The following XYLT1 variants were observed in gnomAD, a reference collection of about 807,000 sequenced individuals.
XYLT1 encodes the protein xylosyltransferase 1, also known as beta-D-xylosyltransferase 1.
XYLT1 carries 36 observed loss-of-function variants against 91.3 expected under a neutral mutation model. The ratio of observed to expected loss-of-function variants is 0.39; its 90% CI spans 0.30 to 0.52. The LOEUF (loss-of-function observed/expected upper bound fraction) is 0.52. XYLT1 is among the 20% of genes least tolerant of loss of function. The pLI, the probability that XYLT1 is intolerant of heterozygous loss-of-function variation, is 0.68. For missense variants in XYLT1, 1,242 were observed against 1,284.5 expected (o/e 0.97, Z 0.51); for synonymous variants, 588 against 532.0 (o/e 1.11, Z -1.45).
At chr16:17,333,867 T>G (rs1427717472) in intron 2 of XYLT1, among the ~76,000 whole-genome samples, 1 of 152,064 alleles carries the variant, frequency 6.6e-6, no homozygotes, top group African/African-American at 2.4e-5. Flanking sequence ...GGATTAAAAC[T>G]GTGAGCCACA....
intron 6 of XYLT1, among the ~76,000 whole-genome samples, chr16:17,150,122 G>A (rs2031246880): frequency 6.6e-6 from 1 of 152,216 alleles, no homozygotes; most frequent in African/African-American, 2.4e-5. Context: ...ATTGTGGCAT[G>A]AAGGTGACAA....
chr16:17,427,696 A>G (rs1226813878), intron 1 of XYLT1, among the ~76,000 whole-genome samples: 3 of 152,182 alleles, frequency 2.0e-5, no homozygotes, highest in Non-Finnish European at 4.4e-5. Flanking sequence ...TATCCTACCC[A>G]CACTCTTTTT....
At position 17,470,788 on chromosome 16, in the gene XYLT1, C is replaced by T. The variant is rs2036980961; in HGVS notation, c.9G>A (p.Ala3=). 6 of 1,015,950 alleles carry T rather than the reference C, an allele frequency of 5.9e-6. No individual in the cohort carries two copies. Among genetic ancestry groups the T allele is most frequent in the Admixed American group, 6.0e-5 (1 of 16,662 alleles). 62.9% of individuals were successfully genotyped at this position (1,015,950 alleles called of 1,614,324 possible). A position where few individuals can be genotyped will look rare whatever the true frequency, so the allele number is the denominator to read the frequency against. ...GGGCCAGCCTCCGGGCGCACGGCGC[C>T]GCCACCATCTTCGGAGCGCGGCCGG... MV[A]APCARRLARR... The change falls in exon 1 of 12, where the codon GCG becomes GCA. Residue 3 remains alanine, a synonymous_variant. Transcript: ENST00000261381.
chr16:17,145,865 C>T (rs2031117365), intron 6 of XYLT1, among the ~76,000 whole-genome samples: 1 of 152,264 alleles, frequency 6.6e-6, no homozygotes. Flanking sequence ...GAGCTGTCTG[C>T]ATTTCTGCAA....
intron 9 of XYLT1, among the ~76,000 whole-genome samples, chr16:17,131,407 T>C (rs1334880784): frequency 2.0e-5 from 3 of 152,242 alleles, no homozygotes; most frequent in East Asian, 1.9e-4. Flanking sequence ...TTAAATACGA[T>C]GAGCACTAAA....
intron 2 of XYLT1, among the ~76,000 whole-genome samples, chr16:17,266,971 T>A (rs185280641): frequency 1.6e-4 from 24 of 152,362 alleles, no homozygotes; most frequent in African/African-American, 5.8e-4. Context: ...CTCATCTGCA[T>A]GCACAAAAGG....
intron 3 of XYLT1, among the ~76,000 whole-genome samples, chr16:17,211,272 G>A (rs575534094): frequency 1.8e-3 from 274 of 152,214 alleles, no homozygotes; most frequent in African/African-American, 6.4e-3. Context: ...ACAAATGAGA[G>A]GAGGTAAAGG....
intron 1 of XYLT1, among the ~76,000 whole-genome samples, chr16:17,375,351 C>A (rs965430958): frequency 5.9e-5 from 9 of 151,990 alleles, no homozygotes; most frequent in Admixed American, 3.9e-4. Flanking sequence ...AATCCCCCAG[C>A]CAAGAGGGAC....
intron 2 of XYLT1, among the ~76,000 whole-genome samples, chr16:17,277,896 GT>G (rs1232640881): frequency 6.6e-6 from 1 of 152,114 alleles, no homozygotes; most frequent in Non-Finnish European, 1.5e-5. Flanking sequence ...GCTCACAGCG[GT>G]TATCTCAGCA....
chr16:17,357,004 G>A (rs145963840), intron 2 of XYLT1, among the ~76,000 whole-genome samples: 26 of 151,552 alleles, frequency 1.7e-4, no homozygotes, highest in African/African-American at 5.6e-4. Context: ...GTGAAACCTC[G>A]TCTCTAGAAA....
chr16:17,220,948 G>C (rs1189421024), intron 3 of XYLT1, among the ~76,000 whole-genome samples: 1 of 152,166 alleles, frequency 6.6e-6, no homozygotes, highest in Non-Finnish European at 1.5e-5. Flanking sequence ...TGAAAATGTG[G>C]AAAGATTGGC....
intron 1 of XYLT1, among the ~76,000 whole-genome samples, chr16:17,372,566 C>A (rs1321413062): frequency 2.6e-5 from 4 of 152,172 alleles, no homozygotes; most frequent in Admixed American, 1.3e-4. Flanking sequence ...TAAGGCCTGT[C>A]GAATTCAGGA....
rs554963979 is a variant in XYLT1 at position 17,291,052 on chromosome 16, A to C, written c.403-31554T>G. The stretch of plus-strand genomic sequence containing the variant: ...CAGGCTCAAGGGATCCTCCCACTTC[A>C]GCCTTCTGAGTAGCAAGGACTGCAG... On this transcript the variant is annotated intron_variant, in intron 2 of 11. Transcript: ENST00000261381. Among the ~76,000 whole-genome samples, 697 of 152,292 alleles carry C rather than the reference A, an allele frequency of 4.6e-3. 6 individuals carry two copies. The highest frequency in any genetic ancestry group is 0.016 in the African/African-American group (662 of 41,562).
chr16:17,299,861 T>A (rs570699605), intron 2 of XYLT1, among the ~76,000 whole-genome samples: 1 of 152,254 alleles, frequency 6.6e-6, no homozygotes, highest in South Asian at 2.1e-4. Context: ...CTGGTGGACA[T>A]GAAGGACCCA....
chr16:17,422,223 G>A (rs2036259336), intron 1 of XYLT1, among the ~76,000 whole-genome samples: 1 of 151,954 alleles, frequency 6.6e-6, no homozygotes, highest in South Asian at 2.1e-4. Context: ...TAGAGGTGGG[G>A]TCTCGCTCTG....
chr16:17,222,444 A>G (rs1358618698), intron 3 of XYLT1, among the ~76,000 whole-genome samples: 1 of 152,170 alleles, frequency 6.6e-6, no homozygotes, highest in African/African-American at 2.4e-5. Flanking sequence ...AAGGTTGAGA[A>G]ACTGCTTGAA....
Position 17,344,697 on chromosome 16 carries a change from C to T in XYLT1, c.402+13315G>A, listed in dbSNP as rs553578155. 2.0e-5 allele frequency among the ~76,000 whole-genome samples: 3 copies of T among 151,498 alleles called. No homozygotes were observed. In the South Asian group the frequency reaches 6.3e-4, roughly 32 times the overall value. ...TTTTGAGATGTGTCTTCGCAGCCAA[C>T]TGTCTAAGGATTCTTTTTTTTTTTT... On this transcript the variant is annotated intron_variant, in intron 2 of 11. Coordinates refer to ENST00000261381, the MANE Select transcript of XYLT1 (RefSeq NM_022166.4).
At chr16:17,165,042 T>C (rs1261750073) in intron 5 of XYLT1, among the ~76,000 whole-genome samples, 1 of 152,202 alleles carries the variant, frequency 6.6e-6, no homozygotes, top group African/African-American at 2.4e-5. Flanking sequence ...ATCAACCCAA[T>C]GTATAGAAAA....
intron 1 of XYLT1, among the ~76,000 whole-genome samples, chr16:17,455,314 A>G (rs151286084): frequency 1.4e-4 from 22 of 152,330 alleles, no homozygotes; most frequent in African/African-American, 5.3e-4. Context: ...AGAGAAGTTT[A>G]GCAAGTTTTT....
Sources: allele counts gnomAD v4.1 joint callset (sites outside exome capture counted in the v4.1 genomes callset), GRCh38; gene constraint gnomAD v4.1.1; transcripts MANE v1.5; gene names NCBI Gene and HGNC (gene_info 2026-07-23, HGNC 2026-07-21).